The following DEUP1 variants were observed in gnomAD, a reference collection of about 807,000 sequenced individuals.
DEUP1 encodes the protein coiled-coil domain containing 67.
A neutral mutation model predicts 87.4 loss-of-function variants in DEUP1; 82 were observed. The ratio of observed to expected loss-of-function variants is 0.94; its 90% CI spans 0.78 to 1.13. The LOEUF is 1.13. Among genes scored for constraint, DEUP1 ranks in the 50% most tolerant of loss-of-function variants. The probability of loss-of-function intolerance (pLI) is 0.00; values close to 1 mark genes in which losing one functional copy is unlikely to be tolerated. For missense variants in DEUP1, 663 were observed against 681.5 expected (o/e 0.97, Z 0.30); for synonymous variants, 214 against 222.7 (o/e 0.96, Z 0.35).
At chr11:93,339,988 C>T (rs1419037566) in intron 2 of DEUP1, among the ~76,000 whole-genome samples, 1 of 152,114 alleles carries the variant, frequency 6.6e-6, no homozygotes, top group Non-Finnish European at 1.5e-5. Flanking sequence ...CAAATAAAAA[C>T]CAGAAGCTCG....
chr11:93,370,274 G>C, intron 6 of DEUP1, 88 bp downstream of exon 6: 1 of 671,218 alleles, frequency 1.5e-6, no homozygotes, highest in Non-Finnish European at 2.4e-6. Context: ...TTTACAAACA[G>C]ACATGCCAAC....
chr11:93,362,230 T>C (rs1945209047), intron 4 of DEUP1, among the ~76,000 whole-genome samples: 1 of 152,024 alleles, frequency 6.6e-6, no homozygotes, highest in African/African-American at 2.4e-5. Context: ...ATTAAAATTT[T>C]AAAACTTTTG....
chr11:93,358,751 T>C (rs1945017012), intron 4 of DEUP1, among the ~76,000 whole-genome samples: 1 of 152,102 alleles, frequency 6.6e-6, no homozygotes, highest in South Asian at 2.1e-4. Context: ...CCCAGCTAAT[T>C]TGTATATTTT....
At chr11:93,400,117 T>C (rs957726670) in intron 11 of DEUP1, among the ~76,000 whole-genome samples, 9 of 152,182 alleles carry the variant, frequency 5.9e-5, no homozygotes, top group African/African-American at 1.7e-4. Flanking sequence ...TTCCCCAATA[T>C]TGATCCACCT....
intron 4 of DEUP1, 68 bp from the exon 5 acceptor site, chr11:93,364,092 A>C: frequency 8.6e-7 from 1 of 1,164,756 alleles, no homozygotes; most frequent in Non-Finnish European, 1.2e-6. Flanking sequence ...ACAGGAAAAG[A>C]GATATAGTGA....
chr11:93,344,590 T>C (rs1458700599), intron 2 of DEUP1, among the ~76,000 whole-genome samples: 2 of 152,144 alleles, frequency 1.3e-5, no homozygotes, highest in Non-Finnish European at 2.9e-5. Flanking sequence ...CCCATTTCTA[T>C]TTTAGATATC....
At chr11:93,378,709 C>A (rs1270150945) in intron 7 of DEUP1, among the ~76,000 whole-genome samples, 1 of 152,066 alleles carries the variant, frequency 6.6e-6, no homozygotes, top group Admixed American at 6.6e-5. Context: ...TAGACTATGT[C>A]AGATGGAAGA....
rs1555048206 is a variant in DEUP1, at chr11:93,373,611, ATG to A, written c.789+2333_789+2334del. On this transcript the variant is annotated intron_variant, in intron 7 of 13. Transcript: ENST00000298050. ...TATATATACGTATATATATTTATATATGTATATATATACGTATATATATATAT... is the reference window on the plus strand; with the variant it reads ...TATATATACGTATATATATTTATATATATATATATACGTATATATATATAT... Among the ~76,000 whole-genome samples the A allele has an allele frequency of 4.6e-3, 417 of 90,634 alleles. 2 individuals are homozygous for A. Among genetic ancestry groups the A allele is most frequent in the African/African-American group, 0.013 (374 of 29,010 alleles). 59.5% of individuals were successfully genotyped at this position (90,634 alleles called of 152,430 possible). A position where few individuals can be genotyped will look rare whatever the true frequency, so the allele number is the denominator to read the frequency against.
In DEUP1 at chr11:93,364,307, A is replaced by T; in HGVS notation, c.432+13A>T. 1 of 1,602,908 alleles carries T rather than the reference A, an allele frequency of 6.2e-7. No homozygotes were observed. Among genetic ancestry groups the T allele is most frequent in the Non-Finnish European group, 8.5e-7 (1 of 1,171,260 alleles). On this transcript the variant is annotated intron_variant, in intron 5 of 13. Coordinates refer to ENST00000298050, the MANE Select transcript of DEUP1 (RefSeq NM_181645.4). ...CCAGAAATTAGAGGTGAGATATATT[A>T]TCTTAGTTTCTTCATGTGTATTAAA... is the stretch of plus-strand genomic sequence containing the variant.
At chr11:93,403,630 G>T (rs1016063413) in intron 11 of DEUP1, among the ~76,000 whole-genome samples, 1 of 151,134 alleles carries the variant, frequency 6.6e-6, no homozygotes, top group Non-Finnish European at 1.5e-5. Flanking sequence ...AAAAATATTG[G>T]CTTTTGGATT....
chr11:93,414,147 A>G (rs1947529899), intron 12 of DEUP1, among the ~76,000 whole-genome samples: 1 of 152,204 alleles, frequency 6.6e-6, no homozygotes, highest in Non-Finnish European at 1.5e-5. Context: ...TAGTAACTGG[A>G]GGAGCTTAGG....
At chr11:93,365,930 G>A (rs1945393844) in intron 5 of DEUP1, among the ~76,000 whole-genome samples, 3 of 152,200 alleles carry the variant, frequency 2.0e-5, no homozygotes, top group Non-Finnish European at 4.4e-5. Context: ...ACATGTAGTA[G>A]TCAAAGAACA....
At position 93,356,205 on chromosome 11, in the gene DEUP1, A is replaced by G. The variant is rs373991394; in HGVS notation, c.201+663A>G. ...TTTAAAGGAAATGTTTGCTAGTTATATACCGTAACAAAACATCATTAGTTA... is the reference window on the plus strand; with the variant it reads ...TTTAAAGGAAATGTTTGCTAGTTATGTACCGTAACAAAACATCATTAGTTA... On this transcript the variant is annotated intron_variant, in intron 3 of 13. Coordinates refer to ENST00000298050, the MANE Select transcript of DEUP1 (RefSeq NM_181645.4). 9.9e-4 allele frequency among the ~76,000 whole-genome samples: 151 copies of G among 152,328 alleles called. 3 individuals carry two copies. The South Asian group carries it at 0.029, about 30-fold the overall frequency.
intron 9 of DEUP1, among the ~76,000 whole-genome samples, chr11:93,394,014 G>C (rs1946857554): frequency 6.6e-6 from 1 of 152,208 alleles, no homozygotes; most frequent in South Asian, 2.1e-4. Context: ...GTTACAAACA[G>C]TACAGCCTAT....
At chr11:93,390,763 A>G (rs1339792390) in intron 9 of DEUP1, among the ~76,000 whole-genome samples, 3 of 152,176 alleles carry the variant, frequency 2.0e-5, no homozygotes, top group Admixed American at 6.5e-5. Context: ...TGTGCAAAAA[A>G]AAGGTAACAA....
chr11:93,390,528 T>G (rs1029824073), intron 9 of DEUP1, among the ~76,000 whole-genome samples: 1 of 152,208 alleles, frequency 6.6e-6, no homozygotes, highest in African/African-American at 2.4e-5. Context: ...AAATATAACT[T>G]TGAAAAACTC....
At chr11:93,406,801 G>A (rs1947293464) in intron 11 of DEUP1, among the ~76,000 whole-genome samples, 1 of 151,782 alleles carries the variant, frequency 6.6e-6, no homozygotes, top group Admixed American at 6.6e-5. Context: ...GAGAAAATAA[G>A]CTAAGGATAC....
chr11:93,348,339 A>T (rs546344377), intron 2 of DEUP1, among the ~76,000 whole-genome samples: 3 of 152,000 alleles, frequency 2.0e-5, no homozygotes, highest in East Asian at 3.9e-4. Flanking sequence ...GTCTTCTTCA[A>T]TTCAGCTCTG....
chr11:93,353,017 C>G (rs543021730), intron 2 of DEUP1, among the ~76,000 whole-genome samples: 1 of 152,252 alleles, frequency 6.6e-6, no homozygotes, highest in South Asian at 2.1e-4. Flanking sequence ...AAAGTTTTAA[C>G]TCATTACAGC....
Sources: gnomAD v4.1 joint callset for allele counts (sites outside exome capture counted in the v4.1 genomes callset) on GRCh38, gnomAD v4.1.1 for gene constraint, MANE v1.5 for transcripts, NCBI Gene and HGNC (gene_info 2026-07-23, HGNC 2026-07-21) for gene names.